TRDN: variants seen among roughly 807,000 people sequenced by gnomAD.
The protein encoded by TRDN is triadin in skeletal muscle.
In TRDN, 161 loss-of-function variants were observed where a neutral mutation model predicts 149.7. The ratio of observed to expected loss-of-function variants is 1.08; its 90% CI spans 0.95 to 1.23. The LOEUF (loss-of-function observed/expected upper bound fraction) is 1.23, where lower values mean the gene tolerates loss of function less well. TRDN is among the 50% of genes most tolerant of loss of function. TRDN has a pLI of 0.00. For missense variants in TRDN, 896 were observed against 823.5 expected (o/e 1.09, Z -1.08); for synonymous variants, 294 against 250.5 (o/e 1.17, Z -1.64).
intron 8 of TRDN, chr6:123,502,970 C>T: frequency 1.0e-6 from 1 of 985,256 alleles, no homozygotes; most frequent in Non-Finnish European, 1.2e-6. Flanking sequence ...TAGTTGCCCT[C>T]CTAAACCTTC....
intron 2 of TRDN, among the ~76,000 whole-genome samples, chr6:123,567,830 C>T (rs955624621): frequency 2.0e-5 from 3 of 152,128 alleles, no homozygotes; most frequent in Non-Finnish European, 2.9e-5. Context: ...GGACACATAT[C>T]CAAACTATAT....
intron 2 of TRDN, among the ~76,000 whole-genome samples, chr6:123,560,581 G>T (rs761491391): frequency 6.6e-6 from 1 of 152,068 alleles, no homozygotes; most frequent in Non-Finnish European, 1.5e-5. Context: ...CATCAAAAGG[G>T]CTCAGATCCC....
At chr6:123,241,352 G>T (rs1775981469) in intron 38 of TRDN, among the ~76,000 whole-genome samples, 1 of 150,946 alleles carries the variant, frequency 6.6e-6, no homozygotes, top group African/African-American at 2.4e-5. Context: ...CTTTTCAGAC[G>T]TAAGATACAC....
Position 123,636,848 on chromosome 6 carries a change from G to C in TRDN, c.-73C>G. On this transcript the variant is annotated 5_prime_UTR_variant, in exon 1 of 41. Transcript: ENST00000334268. ...CACTTTGCAGAGTATTTGGGGATTT[G>C]AGAACTCTGGTGGAGGGTTCTGTGT... 6.3e-7 allele frequency: 1 copy of C among 1,578,528 alleles called. No homozygotes were observed. Among genetic ancestry groups the C allele is most frequent in the Non-Finnish European group, 8.7e-7 (1 of 1,149,196 alleles).
rs115880141 is a variant in TRDN, at chr6:123,386,025, C to G, written c.1135+2497G>C. Among the ~76,000 whole-genome samples, 1,377 of 152,116 alleles carry G rather than the reference C, an allele frequency of 9.1e-3. 23 individuals carry two copies. Among genetic ancestry groups the G allele is most frequent in the African/African-American group, 0.031 (1,299 of 41,488 alleles). ...CTGGGTATTATATTTATCTTGAGTCCTGAATATTACTGGTGCGTGCATAGA... is the reference window on the plus strand; with the variant it reads ...CTGGGTATTATATTTATCTTGAGTCGTGAATATTACTGGTGCGTGCATAGA... On this transcript the variant is annotated intron_variant, in intron 14 of 40. Coordinates refer to ENST00000334268, the MANE Select transcript of TRDN (RefSeq NM_006073.4).
rs190856092 is a variant in TRDN at position 123,307,169 on chromosome 6, G to C, written c.1510+9288C>G. On this transcript the variant is annotated intron_variant, in intron 24 of 40. Transcript: ENST00000334268. ...AATGTTATTGGTCACCTTTATAGGA[G>C]AGGATTTAGAAGAAAAGATTACCAA... is the stretch of plus-strand genomic sequence containing the variant. Among the ~76,000 whole-genome samples the C allele has an allele frequency of 7.9e-5, 12 of 152,158 alleles. No homozygotes were observed. The East Asian group carries it at 2.3e-3, about 30-fold the overall frequency.
chr6:123,425,766 G>T (rs1198552259), intron 12 of TRDN, among the ~76,000 whole-genome samples: 1 of 152,106 alleles, frequency 6.6e-6, no homozygotes, highest in Non-Finnish European at 1.5e-5. Flanking sequence ...GAAGGAGAAT[G>T]TAGACAATGC....
chr6:123,322,019 T>C (rs555521052), intron 23 of TRDN, among the ~76,000 whole-genome samples: 6 of 152,316 alleles, frequency 3.9e-5, no homozygotes, highest in Non-Finnish European at 7.4e-5. Context: ...CTTATCTGGC[T>C]GTACATTTCT....
intron 10 of TRDN, among the ~76,000 whole-genome samples, chr6:123,446,138 A>G (rs2114630489): frequency 6.6e-6 from 1 of 151,550 alleles, no homozygotes; most frequent in Admixed American, 6.6e-5. Flanking sequence ...TCACAAGAAC[A>G]AAAAACCAAA....
chr6:123,482,046 C>T (rs187143317), intron 9 of TRDN, among the ~76,000 whole-genome samples: 3 of 152,294 alleles, frequency 2.0e-5, no homozygotes, highest in East Asian at 1.9e-4. Flanking sequence ...ACCTCCCTTC[C>T]GCTTTGTTTC....
intron 1 of TRDN, among the ~76,000 whole-genome samples, chr6:123,598,153 T>C (rs1446083562): frequency 1.3e-5 from 2 of 152,050 alleles, no homozygotes; most frequent in Non-Finnish European, 2.9e-5. Context: ...TAAAAACTAG[T>C]CATTTTCTGC....
At chr6:123,618,485 G>T in intron 1 of TRDN, among the ~76,000 whole-genome samples, 1 of 152,084 alleles carries the variant, frequency 6.6e-6, no homozygotes, top group East Asian at 1.9e-4. Context: ...CCTCTCTCCC[G>T]CTCGAGGTTC....
At chr6:123,445,005 G>C (rs1227206786) in intron 10 of TRDN, 5 of 152,032 alleles carry the variant, frequency 3.3e-5, no homozygotes, top group African/African-American at 1.2e-4. Flanking sequence ...TCTCTGCCAG[G>C]CTTTGGTATC....
At chr6:123,426,964 A>AT (rs1774146576) in intron 12 of TRDN, among the ~76,000 whole-genome samples, 2 of 151,814 alleles carry the variant, frequency 1.3e-5, no homozygotes, top group Admixed American at 6.6e-5. Context: ...ATTTTTCCCT[A>AT]TTTTTTGCAT....
intron 9 of TRDN, among the ~76,000 whole-genome samples, chr6:123,480,576 A>G (rs1225404680): frequency 6.6e-6 from 1 of 152,056 alleles, no homozygotes; most frequent in Non-Finnish European, 1.5e-5. Flanking sequence ...ATTCAGTATT[A>G]CTTTCCAGAG....
intron 1 of TRDN, among the ~76,000 whole-genome samples, chr6:123,626,451 G>T (rs570832471): frequency 6.6e-6 from 1 of 151,732 alleles, no homozygotes; most frequent in East Asian, 1.9e-4. Flanking sequence ...AGTGCATGCC[G>T]AACTAGACAC....
At chr6:123,594,751 C>CA (rs34009631) in intron 1 of TRDN, among the ~76,000 whole-genome samples, 1 of 151,258 alleles carries the variant, frequency 6.6e-6, no homozygotes, top group South Asian at 2.1e-4. Flanking sequence ...TATGAAATGC[C>CA]AAAAAAATGC....
rs546773279 is a variant in TRDN, at chr6:123,268,063, T to C, written c.1739-312A>G. 2.0e-5 allele frequency among the ~76,000 whole-genome samples: 3 copies of C among 152,238 alleles called. No homozygotes were observed. The East Asian group carries it at 5.8e-4, about 29-fold the overall frequency. On this transcript the variant is annotated intron_variant, in intron 31 of 40. Coordinates refer to ENST00000334268, the MANE Select transcript of TRDN (RefSeq NM_006073.4). ...AAAGGAGAATAAGAATATTGTTTTA[T>C]TTGCTGAAAGTTGAATCATTCTTTG...
chr6:123,323,317 T>C (rs1188405883), intron 23 of TRDN, among the ~76,000 whole-genome samples: 1 of 152,138 alleles, frequency 6.6e-6, no homozygotes, highest in Non-Finnish European at 1.5e-5. Context: ...AATTTGTTTA[T>C]TGTTAGTTAT....
Sources: allele counts gnomAD v4.1 joint callset (sites outside exome capture counted in the v4.1 genomes callset), GRCh38; gene constraint gnomAD v4.1.1; transcripts MANE v1.5; gene names NCBI Gene and HGNC (gene_info 2026-07-23, HGNC 2026-07-21).